ANAPC7: variants seen among roughly 807,000 people sequenced by gnomAD.
ANAPC7 encodes anaphase-promoting complex subunit 7.
A neutral mutation model predicts 63.3 loss-of-function variants in ANAPC7; 25 were observed. The ratio of observed to expected loss-of-function variants is 0.39; its 90% CI spans 0.29 to 0.55. ANAPC7 has a LOEUF of 0.55. ANAPC7 is among the 20% of genes least tolerant of loss of function. The pLI is 0.57. For missense variants in ANAPC7, 516 were observed against 691.7 expected (o/e 0.75, Z 2.85); for synonymous variants, 241 against 251.7 (o/e 0.96, Z 0.40).
chr12:110,387,287 C>CAGAGAGAG (rs1304470791), intron 5 of ANAPC7: 8 of 49,040 alleles, frequency 1.6e-4, no homozygotes, highest in East Asian at 1.2e-3. Context: ...GAGAGAGAGA[C>CAGAGAGAG]AGAGAGAGAG....
chr12:110,400,762 G>A (rs2062216370), intron 1 of ANAPC7, among the ~76,000 whole-genome samples: 1 of 151,958 alleles, frequency 6.6e-6, no homozygotes, highest in Admixed American at 6.6e-5. Flanking sequence ...GCACATTAAT[G>A]AGGCTGGGCT....
chr12:110,398,033 G>A (rs2062169300), intron 1 of ANAPC7, among the ~76,000 whole-genome samples: 1 of 152,166 alleles, frequency 6.6e-6, no homozygotes, highest in South Asian at 2.1e-4. Flanking sequence ...ATCACTGAAG[G>A]TTGGGAGTTT....
At chr12:110,400,625 C>T (rs2062214640) in intron 1 of ANAPC7, among the ~76,000 whole-genome samples, 1 of 152,154 alleles carries the variant, frequency 6.6e-6, no homozygotes, top group Non-Finnish European at 1.5e-5. Context: ...AAACTGTATG[C>T]TTTGGCAAAT....
At chr12:110,383,499 G>C (rs1226755309) in intron 6 of ANAPC7, among the ~76,000 whole-genome samples, 2 of 152,124 alleles carry the variant, frequency 1.3e-5, no homozygotes, top group African/African-American at 4.8e-5. Flanking sequence ...GGCACTCTGG[G>C]TGGCAGAGGC....
intron 6 of ANAPC7, among the ~76,000 whole-genome samples, chr12:110,384,295 G>A (rs1001117315): frequency 9.9e-5 from 15 of 152,144 alleles, no homozygotes; most frequent in African/African-American, 3.1e-4. Flanking sequence ...TACTCAGGGG[G>A]CTAAGGCAGG....
intron 3 of ANAPC7, among the ~76,000 whole-genome samples, chr12:110,394,519 C>T (rs1883390023): frequency 6.6e-6 from 1 of 151,566 alleles, no homozygotes; most frequent in Non-Finnish European, 1.5e-5. Context: ...ATCCCAGCTA[C>T]TCGGGAGGCT....
At chr12:110,396,516 C>T (rs1458159219) in intron 1 of ANAPC7, 64 bp from the exon 2 acceptor site, 36 of 1,037,578 alleles carry the variant, frequency 3.5e-5, no homozygotes, top group South Asian at 9.0e-5. Context: ...CCCCCAGCTT[C>T]TTTTTTTTTT....
chr12:110,388,030 TA>T, intron 4 of ANAPC7, 138 bp from the exon 5 acceptor site: 1 of 889,722 alleles, frequency 1.1e-6, no homozygotes. Context: ...AGAAAAACCA[TA>T]ATTTAGTATT....
chr12:110,378,156 G>A lies in ANAPC7; in HGVS notation c.1133-539C>T, dbSNP rs531818893. The A allele has an allele frequency of 9.7e-5, 15 of 155,092 alleles. No homozygotes were observed. In the South Asian group the frequency reaches 2.2e-3, roughly 23 times the overall value. The allele number at this position is 155,092 out of a possible 1,614,324, so 9.6% of individuals were successfully genotyped here. A position where few individuals can be genotyped will look rare whatever the true frequency, so the allele number is the denominator to read the frequency against. On this transcript the variant is annotated intron_variant, in intron 8 of 10. Coordinates refer to ENST00000455511, the MANE Select transcript of ANAPC7 (RefSeq NM_016238.3). Reference sequence around the variant, plus strand: ...GTTGCCCAGGCTGGAGCGCAATGGCGCCATCTCGGCTCACTGCAATCTCCG... The same window carrying A: ...GTTGCCCAGGCTGGAGCGCAATGGCACCATCTCGGCTCACTGCAATCTCCG...
At chr12:110,395,243 C>A (rs763386980) in intron 2 of ANAPC7, 23 bp from the exon 3 acceptor site, 3 of 1,595,512 alleles carry the variant, frequency 1.9e-6, no homozygotes, top group South Asian at 2.2e-5. Flanking sequence ...GGAAATATTT[C>A]TTTGAAACGT....
chr12:110,392,544 G>A (rs989402418), intron 3 of ANAPC7, among the ~76,000 whole-genome samples: 24 of 152,010 alleles, frequency 1.6e-4, no homozygotes, highest in African/African-American at 5.3e-4. Flanking sequence ...AGCACAAGTT[G>A]CACAAAACAG....
At chr12:110,382,496 T>TATATATATATATATATATATATATATATA (rs1566264542) in intron 7 of ANAPC7, among the ~76,000 whole-genome samples, 1 of 80,064 alleles carries the variant, frequency 1.2e-5, no homozygotes, top group African/African-American at 4.7e-5. Context: ...ATATATATAT[T>TATATATATATATATATATATATATATATA]TATAGAGACA....
intron 3 of ANAPC7, among the ~76,000 whole-genome samples, chr12:110,392,480 T>C (rs1003274553): frequency 6.6e-6 from 1 of 152,176 alleles, no homozygotes; most frequent in Non-Finnish European, 1.5e-5. Flanking sequence ...TTTCGTATCT[T>C]TTAAAGGCAG....
At chr12:110,386,290 C>T (rs1437328316) in intron 6 of ANAPC7, 37 bp downstream of exon 6, 1 of 1,612,184 alleles carries the variant, frequency 6.2e-7, no homozygotes, top group Non-Finnish European at 8.5e-7. Context: ...TCCCCCCCAA[C>T]AACAGCCACT....
At chr12:110,383,038 C>T (rs1882090394) in intron 6 of ANAPC7, 78 bp from the exon 7 acceptor site, 2 of 1,055,132 alleles carry the variant, frequency 1.9e-6, no homozygotes, top group South Asian at 1.5e-5. Context: ...TAGCACCCAA[C>T]ATCAGACCCC....
intron 3 of ANAPC7, among the ~76,000 whole-genome samples, chr12:110,390,961 GT>G (rs1883036632): frequency 6.6e-6 from 1 of 152,192 alleles, no homozygotes. Flanking sequence ...GGAGGCCGAG[GT>G]GGGTGGATCA....
At position 110,403,562 on chromosome 12, in the gene ANAPC7, G is replaced by A; in HGVS notation, c.66C>T (p.Leu22=). The A allele has an allele frequency of 1.2e-6, 2 of 1,607,890 alleles. No homozygotes were observed. Among genetic ancestry groups the A allele is most frequent in the Non-Finnish European group, 8.5e-7 (1 of 1,177,716 alleles). Residue 22 remains leucine (L), a synonymous_variant, in exon 1 of 11, where the codon CTC becomes CTT. Coordinates refer to ENST00000455511, the MANE Select transcript of ANAPC7 (RefSeq NM_016238.3). ...TACTCATTGTAAGTAACAAGCTGCTGAGGAGCCGCACGTTGGAGTGCAGCC... is the reference window on the plus strand; with the variant it reads ...TACTCATTGTAAGTAACAAGCTGCTAAGGAGCCGCACGTTGGAGTGCAGCC... ...AAGLHSNVRL[L]SSLLLTMSNN...
chr12:110,401,859 A>G (rs1373746606), intron 1 of ANAPC7, among the ~76,000 whole-genome samples: 1 of 150,200 alleles, frequency 6.7e-6, no homozygotes, highest in African/African-American at 2.5e-5. Flanking sequence ...CTGTAGTCCC[A>G]GCTACTCGGG....
intron 5 of ANAPC7, 177 bp downstream of exon 5, chr12:110,387,562 G>C: frequency 1.5e-6 from 1 of 650,518 alleles, no homozygotes; most frequent in Non-Finnish European, 2.5e-6. Context: ...GTCTCCAACA[G>C]AGATGATTAC....
Sources: allele counts gnomAD v4.1 joint callset (sites outside exome capture counted in the v4.1 genomes callset), GRCh38; gene constraint gnomAD v4.1.1; transcripts MANE v1.5; gene names NCBI Gene and HGNC (gene_info 2026-07-23, HGNC 2026-07-21).